The following RPS6KC1 variants were observed in gnomAD, a reference collection of about 807,000 sequenced individuals.
The protein encoded by RPS6KC1 is ribosomal protein S6 kinase C1.
A neutral mutation model predicts 103.8 loss-of-function variants in RPS6KC1; 54 were observed. The ratio of observed to expected loss-of-function variants is 0.52; its 90% CI spans 0.42 to 0.65. The LOEUF is 0.65. Among genes scored for constraint, RPS6KC1 ranks in the 30% least tolerant of loss-of-function variants. The pLI is 0.00. For missense variants in RPS6KC1, 1,151 were observed against 1,253.8 expected (o/e 0.92, Z 1.24); for synonymous variants, 439 against 438.7 (o/e 1.00, Z -0.01).
At chr1:213,217,718 A>G (rs1396819543) in intron 8 of RPS6KC1, among the ~76,000 whole-genome samples, 4 of 152,254 alleles carry the variant, frequency 2.6e-5, no homozygotes, top group South Asian at 2.1e-4. Context: ...CTGGTTCAAC[A>G]TATGCAAATC....
At chr1:213,611,056 G>A in the RPS6KC1 span, among the ~76,000 whole-genome samples, 1 of 152,158 alleles carries the variant, frequency 6.6e-6, no homozygotes, top group African/African-American at 2.4e-5. Context: ...GTGAATCTAA[G>A]CCATGCTTCC....
At chr1:213,786,944 G>T in the RPS6KC1 span, among the ~76,000 whole-genome samples, 2 of 152,266 alleles carry the variant, frequency 1.3e-5, no homozygotes, top group Middle Eastern at 3.4e-3. Flanking sequence ...GGAAGAACTA[G>T]GTTAGTCATT....
the RPS6KC1 span, among the ~76,000 whole-genome samples, chr1:213,315,315 T>G: frequency 6.6e-6 from 1 of 152,214 alleles, no homozygotes; most frequent in Non-Finnish European, 1.5e-5. Flanking sequence ...TTGGTATGAT[T>G]TGGGAGGACA....
Position 213,242,582 on chromosome 1 carries a change from A to G in RPS6KC1, c.2835A>G (p.Leu945=). 1 of 1,612,696 alleles carries G rather than the reference A, an allele frequency of 6.2e-7. No homozygotes were observed. Among genetic ancestry groups the G allele is most frequent in the South Asian group, 1.1e-5 (1 of 90,978 alleles). Residue 945 remains leucine (L), a synonymous_variant, in exon 12 of 15, where the codon CTA becomes CTG. Transcript: ENST00000366960. ...TTTTGTTTTTAGGACACATTCAGCTAACGTATTTTAGCAGGTGGAGTGAGG... is the reference window on the plus strand; with the variant it reads ...TTTTGTTTTTAGGACACATTCAGCTGACGTATTTTAGCAGGTGGAGTGAGG... The part of the protein sequence containing the change: ...ILLNDRGHIQ[L]TYFSRWSEVE...
intron 6 of RPS6KC1, among the ~76,000 whole-genome samples, chr1:213,131,001 T>G (rs1267591467): frequency 1.3e-5 from 2 of 152,126 alleles, no homozygotes; most frequent in Admixed American, 6.6e-5. Flanking sequence ...TTTATTCTTG[T>G]GGGGTTTTGT....
chr1:213,688,209 G>C, the RPS6KC1 span, among the ~76,000 whole-genome samples: 2 of 152,094 alleles, frequency 1.3e-5, no homozygotes, highest in South Asian at 2.1e-4. Flanking sequence ...TTCTTCCTCC[G>C]TCTCGGTCTG....
the RPS6KC1 span, among the ~76,000 whole-genome samples, chr1:213,453,866 C>G: frequency 6.6e-6 from 1 of 152,052 alleles, no homozygotes; most frequent in Non-Finnish European, 1.5e-5. Context: ...TGTGGCAGGT[C>G]CGCTTATACA....
chr1:213,499,505 A>G, the RPS6KC1 span, among the ~76,000 whole-genome samples: 1 of 152,200 alleles, frequency 6.6e-6, no homozygotes, highest in African/African-American at 2.4e-5. Flanking sequence ...TAATGAGTGC[A>G]ACCTAGATCC....
chr1:213,263,742 A>G (rs1039686399), intron 14 of RPS6KC1, among the ~76,000 whole-genome samples: 12 of 152,188 alleles, frequency 7.9e-5, no homozygotes, highest in Admixed American at 2.6e-4. Context: ...GCACAGTGCT[A>G]TAAGCTACAA....
chr1:213,661,110 C>T, the RPS6KC1 span, among the ~76,000 whole-genome samples: 690 of 152,268 alleles, frequency 4.5e-3, 2 homozygotes, highest in African/African-American at 0.014. Flanking sequence ...TTTATCGCAG[C>T]CTTCAGACCC....
At chr1:213,451,065 GTT>G in the RPS6KC1 span, among the ~76,000 whole-genome samples, 43 of 152,200 alleles carry the variant, frequency 2.8e-4, no homozygotes, top group African/African-American at 9.9e-4. Flanking sequence ...AAAATACTTA[GTT>G]CACATCGAAA....
the RPS6KC1 span, among the ~76,000 whole-genome samples, chr1:213,666,966 C>G: frequency 6.6e-6 from 1 of 152,152 alleles, no homozygotes; most frequent in East Asian, 1.9e-4. Flanking sequence ...AAGCTCAGAC[C>G]CAAGACGTAT....
Position 213,089,017 on chromosome 1 carries a change from C to T in RPS6KC1, c.262+11201C>T, listed in dbSNP as rs528705745. On this transcript the variant is annotated intron_variant, in intron 3 of 14. Transcript: ENST00000366960. ...TCATCAAAAGCTTATTGCTACTATT[C>T]TTTAATTTTAACAAATATTTAATAG... is the stretch of plus-strand genomic sequence containing the variant. Among the ~76,000 whole-genome samples the T allele has an allele frequency of 1.6e-3, 240 of 152,248 alleles. 1 individual carries two copies. The highest frequency in any genetic ancestry group is 5.6e-3 in the African/African-American group (231 of 41,554).
the RPS6KC1 span, among the ~76,000 whole-genome samples, chr1:213,649,708 A>C: frequency 6.6e-6 from 1 of 152,130 alleles, no homozygotes; most frequent in Non-Finnish European, 1.5e-5. Flanking sequence ...TCCAACAAAA[A>C]TCGTAAGCTC....
At chr1:213,616,715 A>G in the RPS6KC1 span, among the ~76,000 whole-genome samples, 2 of 152,146 alleles carry the variant, frequency 1.3e-5, no homozygotes, top group Non-Finnish European at 2.9e-5. Flanking sequence ...CACAACAGGT[A>G]TACATACTAT....
chr1:213,407,963 T>G, the RPS6KC1 span, among the ~76,000 whole-genome samples: 2 of 152,224 alleles, frequency 1.3e-5, no homozygotes, highest in Non-Finnish European at 2.9e-5. Context: ...TAATAGATGC[T>G]TAATAAAAAT....
the RPS6KC1 span, among the ~76,000 whole-genome samples, chr1:213,470,937 A>T: frequency 6.6e-6 from 1 of 152,116 alleles, no homozygotes; most frequent in Non-Finnish European, 1.5e-5. Context: ...GAATGCTTCT[A>T]TAAAGAGAAA....
At chr1:213,826,152 A>G in the RPS6KC1 span, among the ~76,000 whole-genome samples, 17 of 152,186 alleles carry the variant, frequency 1.1e-4, no homozygotes, top group Non-Finnish European at 2.2e-4. Context: ...AGGAGAAAAA[A>G]ATGACAAATC....
intron 8 of RPS6KC1, among the ~76,000 whole-genome samples, chr1:213,196,872 C>T (rs953063283): frequency 9.9e-5 from 15 of 152,066 alleles, no homozygotes; most frequent in Non-Finnish European, 7.4e-5. Flanking sequence ...ATTTTGCTCT[C>T]GTTGCCCGGG....
Sources: gnomAD v4.1 joint callset for allele counts (sites outside exome capture counted in the v4.1 genomes callset) on GRCh38, gnomAD v4.1.1 for gene constraint, MANE v1.5 for transcripts, NCBI Gene and HGNC (gene_info 2026-07-23, HGNC 2026-07-21) for gene names.